The following ZNF789 variants were observed in gnomAD, a reference collection of about 807,000 sequenced individuals.
The protein encoded by ZNF789 is zinc finger protein 789.
Under a neutral mutation model 15.6 loss-of-function variants are expected in ZNF789, and 11 were observed. The observed-to-expected ratio is 0.70, with a 90% CI of 0.44 to 1.16. The LOEUF is 1.16. Among genes scored for constraint, ZNF789 ranks in the 50% most tolerant of loss-of-function variants. The probability of loss-of-function intolerance (pLI) is 0.00; values close to 1 mark genes in which losing one functional copy is unlikely to be tolerated. For synonymous variants in ZNF789, 159 were observed against 176.0 expected (o/e 0.90, Z 0.76); for missense variants, 461 against 512.6 (o/e 0.90, Z 0.97).
intron 2 of ZNF789, 41 bp downstream of exon 2, chr7:99,476,521 T>C: frequency 6.2e-7 from 1 of 1,607,510 alleles, no homozygotes; most frequent in Non-Finnish European, 8.5e-7. Flanking sequence ...GCATAGTCAC[T>C]GCCACCAGCA....
intron 3 of ZNF789, among the ~76,000 whole-genome samples, chr7:99,483,228 T>A (rs757836712): frequency 1.3e-5 from 2 of 151,630 alleles, no homozygotes; most frequent in African/African-American, 4.8e-5. Context: ...TGAAACTCCG[T>A]CTCAAAAATA....
At chr7:99,476,355 G>T in intron 1 of ZNF789, 48 bp from the exon 2 acceptor site, 1 of 1,414,888 alleles carries the variant, frequency 7.1e-7, no homozygotes. Flanking sequence ...TGCCAACCAA[G>T]AGAGCTTCAA....
chr7:99,474,542 C>T (rs1359983839), intron 1 of ZNF789, among the ~76,000 whole-genome samples: 3 of 151,130 alleles, frequency 2.0e-5, no homozygotes, highest in Non-Finnish European at 2.9e-5. Flanking sequence ...TGCAGTGAGC[C>T]GAGATCGCGC....
At chr7:99,477,200 G>A (rs549356117) in intron 2 of ZNF789, among the ~76,000 whole-genome samples, 5 of 152,088 alleles carry the variant, frequency 3.3e-5, no homozygotes, top group South Asian at 2.1e-4. Flanking sequence ...GTGCCACCAC[G>A]CCCAGCTAAT....
intron 3 of ZNF789, among the ~76,000 whole-genome samples, chr7:99,483,220 A>G (rs1299466325): frequency 1.3e-5 from 2 of 152,132 alleles, no homozygotes; most frequent in East Asian, 3.9e-4. Context: ...GACAGGAGTG[A>G]AACTCCGTCT....
At position 99,484,079 on chromosome 7, in the gene ZNF789, C is replaced by T. The variant is rs754082073; in HGVS notation, c.201C>T (p.Asp67=). ...TGATCTGTCAGCTGGAGAACTGGGACGAGCAGTGGATCCTGGATCTACCGA... is the reference window on the plus strand; with the variant it reads ...TGATCTGTCAGCTGGAGAACTGGGATGAGCAGTGGATCCTGGATCTACCGA... ...PEMICQLENW[D]EQWILDLPRT... The change falls in exon 4 of 5, where the codon GAC becomes GAT. Residue 67 remains aspartate, a synonymous_variant. Coordinates refer to ENST00000331410, the MANE Select transcript of ZNF789 (RefSeq NM_213603.3). The T allele has an allele frequency of 7.7e-5, 125 of 1,613,786 alleles. No individual in the cohort carries two copies. Among genetic ancestry groups the T allele is most frequent in the Non-Finnish European group, 9.7e-5 (114 of 1,179,998 alleles).
At chr7:99,484,546 G>C (rs1176342270) in intron 4 of ZNF789, among the ~76,000 whole-genome samples, 1 of 152,170 alleles carries the variant, frequency 6.6e-6, no homozygotes, top group Non-Finnish European at 1.5e-5. Context: ...CCGGAACCTG[G>C]GAGGCAGAGG....
intron 3 of ZNF789, chr7:99,482,329 T>C (rs1186835863): frequency 2.8e-6 from 2 of 726,536 alleles, no homozygotes; most frequent in Non-Finnish European, 5.1e-6. Flanking sequence ...TTTACAAAGA[T>C]TGTGCCAATC....
At chr7:99,479,957 C>A in intron 3 of ZNF789, 170 bp downstream of exon 3, 1 of 834,288 alleles carries the variant, frequency 1.2e-6, no homozygotes, top group Non-Finnish European at 1.8e-6. Context: ...TGAAACCTGA[C>A]TTCATCCTAT....
In ZNF789 at chr7:99,486,438, G is replaced by A. The variant is rs761402414; in HGVS notation, c.266-38G>A. 3.8e-6 allele frequency: 6 copies of A among 1,570,164 alleles called. No individual in the cohort carries two copies. The African/African-American group carries it at 5.5e-5, about 14-fold the overall frequency. ...TCTCTTCCTTTTTTTCTTCTGCAGT[G>A]GATAGGTCATTTACATCTTTTCTTG... On this transcript the variant is annotated intron_variant, in intron 4 of 4. Coordinates refer to ENST00000331410, the MANE Select transcript of ZNF789 (RefSeq NM_213603.3).
At chr7:99,476,054 C>T (rs1799319461) in intron 1 of ZNF789, among the ~76,000 whole-genome samples, 2 of 152,134 alleles carry the variant, frequency 1.3e-5, no homozygotes, top group Admixed American at 1.3e-4. Flanking sequence ...CCACCCGCCT[C>T]AGCCTCCCAA....
intron 1 of ZNF789, among the ~76,000 whole-genome samples, chr7:99,475,090 GAGTT>G (rs1799247259): frequency 6.6e-6 from 1 of 152,132 alleles, no homozygotes; most frequent in East Asian, 1.9e-4. Flanking sequence ...AATTCATCCT[GAGTT>G]AGAAAGCAAG....
At position 99,487,413 on chromosome 7, in the gene ZNF789, A is replaced by G. The variant is rs1261278543; in HGVS notation, c.1203A>G (p.Ile401Met). 6.2e-7 allele frequency: 1 copy of G among 1,614,244 alleles called. No individual in the cohort carries two copies. The highest frequency in any genetic ancestry group is 1.7e-5 in the Admixed American group (1 of 60,020). ...HTGSQPYQCVICGKSFKWHTS... is the reference protein window; with the variant it reads ...HTGSQPYQCVMCGKSFKWHTS... ...GAAGCCAACCCTACCAATGTGTCATATGTGGAAAATCTTTCAAGTGGCACA... is the reference window on the plus strand; with the variant it reads ...GAAGCCAACCCTACCAATGTGTCATGTGTGGAAAATCTTTCAAGTGGCACA... Residue 401 changes from isoleucine to methionine, a missense_variant, in exon 5 of 5, where the codon ATA becomes ATG. Ile to Met is a conservative substitution (Grantham distance 10). Coordinates refer to ENST00000331410, the MANE Select transcript of ZNF789 (RefSeq NM_213603.3).
intron 2 of ZNF789, chr7:99,478,542 C>T: frequency 2.4e-6 from 1 of 418,558 alleles, no homozygotes; most frequent in South Asian, 1.8e-5. Flanking sequence ...CGAACGTTTG[C>T]CCTTTCCCTG....
chr7:99,485,981 G>T (rs531255237), intron 4 of ZNF789, among the ~76,000 whole-genome samples: 1 of 152,244 alleles, frequency 6.6e-6, no homozygotes, highest in South Asian at 2.1e-4. Flanking sequence ...GTTTGTTGGT[G>T]CCGAGAGCTG....
chr7:99,476,480 G>A lies in ZNF789; in HGVS notation c.24G>A (p.Lys8=), dbSNP rs1799339694. 6.2e-7 allele frequency: 1 copy of A among 1,611,820 alleles called. No homozygotes were observed. Among genetic ancestry groups the A allele is most frequent in the African/African-American group, 1.3e-5 (1 of 74,870 alleles). ...CCATGTTCCCACCAGCCAGGGGGAA[G>A]GTGAGCTGTGCCTCCCCCTCTGCTT... MFPPARG[K]ELLSFEDVAM... The change falls in exon 2 of 5, where the codon AAG becomes AAA. Residue 8 remains lysine (K), a splice_region_variant and synonymous_variant. Coordinates refer to ENST00000331410, the MANE Select transcript of ZNF789 (RefSeq NM_213603.3).
At chr7:99,482,074 A>C in intron 3 of ZNF789, 1 of 761,886 alleles carries the variant, frequency 1.3e-6, no homozygotes, top group African/African-American at 1.7e-5. Flanking sequence ...TGAGGATCTG[A>C]CAAGAAATTC....
intron 2 of ZNF789, 52 bp from the exon 3 acceptor site, chr7:99,479,609 G>T: frequency 1.3e-6 from 2 of 1,536,840 alleles, no homozygotes; most frequent in South Asian, 1.3e-5. Flanking sequence ...AATAATCATT[G>T]AGCGTAAGTT....
intron 3 of ZNF789, chr7:99,482,147 C>G: frequency 1.3e-6 from 1 of 779,508 alleles, no homozygotes; most frequent in Non-Finnish European, 2.4e-6. Flanking sequence ...TTTAATTGTT[C>G]CCTTTTGATA....
Sources: allele counts gnomAD v4.1 joint callset (sites outside exome capture counted in the v4.1 genomes callset), GRCh38; gene constraint gnomAD v4.1.1; transcripts MANE v1.5; gene names NCBI Gene and HGNC (gene_info 2026-07-23, HGNC 2026-07-21).